The following PUM2 variants were observed in gnomAD, a reference collection of about 807,000 sequenced individuals.
PUM2 encodes the protein pumilio homolog 2.
PUM2 carries 57 observed loss-of-function variants against 124.5 expected under a neutral mutation model. The ratio of observed to expected loss-of-function variants is 0.46; its 90% CI spans 0.37 to 0.57. The LOEUF is 0.57. PUM2 is among the 20% of genes least tolerant of loss of function. PUM2 has a pLI of 0.00. For synonymous variants in PUM2, 460 were observed against 446.1 expected (o/e 1.03, Z -0.39); for missense variants, 1,065 against 1,290.6 (o/e 0.83, Z 2.68).
chr2:20,260,308 C>T (rs774632373), intron 15 of PUM2, 29 bp downstream of exon 15: 5 of 1,581,098 alleles, frequency 3.2e-6, no homozygotes, highest in East Asian at 2.3e-5. Flanking sequence ...GCTGGATGGG[C>T]GGATATACAA....
At chr2:20,271,076 G>A (rs1409539168) in intron 13 of PUM2, among the ~76,000 whole-genome samples, 1 of 151,902 alleles carries the variant, frequency 6.6e-6, no homozygotes, top group African/African-American at 2.4e-5. Context: ...CTACAAACTC[G>A]ATGACAGTGA....
chr2:20,297,469 C>T, intron 8 of PUM2, 84 bp downstream of exon 8: 1 of 1,245,530 alleles, frequency 8.0e-7, no homozygotes, highest in Non-Finnish European at 1.1e-6. Flanking sequence ...TTCAAATTGC[C>T]CAAATAGAGA....
chr2:20,349,523 T>TG (rs1437020982), intron 1 of PUM2, among the ~76,000 whole-genome samples: 1 of 152,072 alleles, frequency 6.6e-6, no homozygotes, highest in Non-Finnish European at 1.5e-5. Context: ...TTTTTGTTTT[T>TG]TTTTTTTTAT....
Position 20,316,539 on chromosome 2 carries a change from G to A in PUM2, c.160+1998C>T, listed in dbSNP as rs190959771. Among the ~76,000 whole-genome samples the A allele has an allele frequency of 7.9e-5, 12 of 151,582 alleles. No individual in the cohort carries two copies. In the East Asian group the frequency reaches 1.6e-3, roughly 20 times the overall value. ...AAATATTTGTAAAATATATGATCTA[G>A]CTGTACGCCTCTCAGATTTTACTAA... On this transcript the variant is annotated intron_variant, in intron 3 of 20. Transcript: ENST00000361078.
chr2:20,330,850 TCTGTGTGTGAGAG>T (rs1169247790), intron 1 of PUM2, among the ~76,000 whole-genome samples: 1 of 152,194 alleles, frequency 6.6e-6, no homozygotes, highest in African/African-American at 2.4e-5. Flanking sequence ...AAGCCCTCAA[TCTGTGTGTGAGAG>T]CTGATGCTCT....
intron 1 of PUM2, 92 bp from the exon 2 acceptor site, chr2:20,327,470 A>G: frequency 1.3e-6 from 1 of 771,502 alleles, no homozygotes; most frequent in Non-Finnish European, 2.1e-6. Flanking sequence ...TATGACTAAT[A>G]TTAGCATGAT....
At chr2:20,258,135 G>T in intron 16 of PUM2, 108 bp downstream of exon 16, 1 of 1,035,668 alleles carries the variant, frequency 9.7e-7, no homozygotes, top group Non-Finnish European at 1.4e-6. Flanking sequence ...GTCTAGTTGT[G>T]GAAATATTTA....
At chr2:20,321,100 T>C (rs1396906000) in intron 2 of PUM2, among the ~76,000 whole-genome samples, 1 of 152,184 alleles carries the variant, frequency 6.6e-6, no homozygotes, top group Non-Finnish European at 1.5e-5. Flanking sequence ...TTCTGAAGTC[T>C]TTTGGGATTA....
intron 20 of PUM2, among the ~76,000 whole-genome samples, chr2:20,252,691 C>T (rs1572511072): frequency 6.6e-6 from 1 of 152,078 alleles, no homozygotes; most frequent in South Asian, 2.1e-4. Flanking sequence ...GAGGAGGATA[C>T]AGAGAGGAAA....
intron 1 of PUM2, among the ~76,000 whole-genome samples, chr2:20,344,386 C>T (rs1687811934): frequency 6.6e-6 from 1 of 152,216 alleles, no homozygotes. Flanking sequence ...AAGGAAAAGT[C>T]AAATACCTAA....
At chr2:20,310,766 TC>T (rs1388533582) in intron 5 of PUM2, among the ~76,000 whole-genome samples, 2 of 152,018 alleles carry the variant, frequency 1.3e-5, no homozygotes, top group Non-Finnish European at 2.9e-5. Context: ...CAACTCATTT[TC>T]AGATACAAGC....
At chr2:20,260,253 C>G (rs910440998) in intron 15 of PUM2, 84 bp downstream of exon 15, 1 of 1,346,022 alleles carries the variant, frequency 7.4e-7, no homozygotes, top group Non-Finnish European at 9.9e-7. Context: ...ATGAAAATGA[C>G]TTTACCCAAC....
intron 15 of PUM2, 108 bp downstream of exon 15, chr2:20,260,229 T>G: frequency 1.7e-6 from 2 of 1,205,592 alleles, no homozygotes; most frequent in Non-Finnish European, 2.3e-6. Context: ...CCCTGGCTTA[T>G]TATCTTTTTT....
At chr2:20,256,905 G>A (rs943866051) in intron 16 of PUM2, among the ~76,000 whole-genome samples, 8 of 151,796 alleles carry the variant, frequency 5.3e-5, no homozygotes, top group African/African-American at 1.5e-4. Flanking sequence ...CTAGCCAGAC[G>A]TGGTGGCGCA....
intron 7 of PUM2, among the ~76,000 whole-genome samples, chr2:20,304,144 C>G (rs545606184): frequency 6.6e-6 from 1 of 152,324 alleles, no homozygotes; most frequent in Non-Finnish European, 1.5e-5. Flanking sequence ...TGGGGGAGCT[C>G]TTACATGGTT....
chr2:20,269,078 A>G (rs901728570), intron 13 of PUM2, among the ~76,000 whole-genome samples: 2 of 152,166 alleles, frequency 1.3e-5, no homozygotes, highest in African/African-American at 4.8e-5. Flanking sequence ...AAATTCATGT[A>G]AAGTTGTCAG....
At chr2:20,275,855 C>T (rs1670111899) in intron 13 of PUM2, among the ~76,000 whole-genome samples, 2 of 151,954 alleles carry the variant, frequency 1.3e-5, no homozygotes, top group African/African-American at 4.8e-5. Context: ...GAAGGAAAAA[C>T]AATTACACAT....
intron 20 of PUM2, among the ~76,000 whole-genome samples, chr2:20,253,575 G>C (rs1444679258): frequency 6.6e-6 from 1 of 151,754 alleles, no homozygotes; most frequent in Non-Finnish European, 1.5e-5. Flanking sequence ...AAACTCCTGG[G>C]CTCAAGTGAT....
At chr2:20,295,517 C>G (rs1010501655) in intron 8 of PUM2, among the ~76,000 whole-genome samples, 2 of 150,276 alleles carry the variant, frequency 1.3e-5, no homozygotes, top group African/African-American at 2.5e-5. Context: ...ATTAAAACAC[C>G]GAATAGAGTT....
Sources: allele counts gnomAD v4.1 joint callset (sites outside exome capture counted in the v4.1 genomes callset), GRCh38; gene constraint gnomAD v4.1.1; transcripts MANE v1.5; gene names NCBI Gene and HGNC (gene_info 2026-07-23, HGNC 2026-07-21).